The following TMEM117 variants were observed in gnomAD, a reference collection of about 807,000 sequenced individuals.
TMEM117 encodes the protein transmembrane protein 117.
TMEM117 carries 27 observed loss-of-function variants against 52.4 expected under a neutral mutation model. The observed-to-expected ratio is 0.51, with a 90% CI of 0.38 to 0.71. The LOEUF (loss-of-function observed/expected upper bound fraction) is 0.71, where lower values mean the gene tolerates loss of function less well. Ranked by LOEUF, TMEM117 falls within the 30% of genes least tolerant of loss-of-function variation. TMEM117 has a pLI of 0.00. For missense variants in TMEM117, 556 were observed against 630.5 expected (o/e 0.88, Z 1.26); for synonymous variants, 215 against 206.3 (o/e 1.04, Z -0.36).
the TMEM117 span, chr12:43,806,256 G>A: frequency 5.3e-6 from 8 of 1,522,698 alleles, no homozygotes; most frequent in East Asian, 2.6e-5. Context: ...GGCGGCGGCC[G>A]CTAGCTCCCG....
chr12:43,969,808 C>G (rs1945551357), intron 3 of TMEM117, among the ~76,000 whole-genome samples: 1 of 152,152 alleles, frequency 6.6e-6, no homozygotes, highest in African/African-American at 2.4e-5. Flanking sequence ...CTCTTTCTCT[C>G]TCCATCCCTT....
intron 3 of TMEM117, among the ~76,000 whole-genome samples, chr12:44,087,171 A>G (rs910343639): frequency 6.6e-6 from 1 of 151,516 alleles, no homozygotes; most frequent in Non-Finnish European, 1.5e-5. Flanking sequence ...AAATTAGTAC[A>G]CTTTAGTTCC....
chr12:43,798,982 G>A, the TMEM117 span, among the ~76,000 whole-genome samples: 2 of 152,020 alleles, frequency 1.3e-5, no homozygotes, highest in South Asian at 2.1e-4. Context: ...CTCTATTCAA[G>A]TAGAGTTCAT....
At chr12:44,014,183 A>G (rs937268496) in intron 3 of TMEM117, among the ~76,000 whole-genome samples, 6 of 152,198 alleles carry the variant, frequency 3.9e-5, no homozygotes, top group African/African-American at 1.4e-4. Flanking sequence ...TAGATAGGCC[A>G]TTGCAGGTAG....
chr12:43,966,590 T>G (rs1945489698), intron 3 of TMEM117, among the ~76,000 whole-genome samples: 1 of 152,206 alleles, frequency 6.6e-6, no homozygotes, highest in South Asian at 2.1e-4. Context: ...TGATGCACAC[T>G]GAGTTTTCAT....
At chr12:44,082,475 TAAAC>T (rs142427500) in intron 3 of TMEM117, among the ~76,000 whole-genome samples, 1,741 of 152,120 alleles carry the variant, frequency 0.011, 14 homozygotes, top group Non-Finnish European at 0.018. Context: ...ATTTTTATCA[TAAAC>T]AAAACAGTAA....
chr12:44,224,510 TCTTCTC>T (rs1949834138), intron 5 of TMEM117, among the ~76,000 whole-genome samples: 1 of 151,962 alleles, frequency 6.6e-6, no homozygotes, highest in Non-Finnish European at 1.5e-5. Flanking sequence ...TTTGTCTTCT[TCTTCTC>T]CTTCTCCTCC....
intron 2 of TMEM117, among the ~76,000 whole-genome samples, chr12:43,940,792 C>T (rs1565760646): frequency 1.3e-5 from 2 of 152,190 alleles, no homozygotes; most frequent in Non-Finnish European, 2.9e-5. Context: ...GATCCGCCTG[C>T]CTCGGCCTCC....
At position 43,860,569 on chromosome 12, in the gene TMEM117, A is replaced by G. The variant is rs201533306; in HGVS notation, c.277+15641A>G. Among the ~76,000 whole-genome samples the G allele has an allele frequency of 2.6e-5, 4 of 152,202 alleles. No homozygotes were observed. The East Asian group carries it at 5.8e-4, about 22-fold the overall frequency. Reference sequence around the variant, plus strand: ...TCTGAGGAAGATGAAGGAACAACCTATGTAGCTTTCTGGGGGAAGACATCC... The same window carrying G: ...TCTGAGGAAGATGAAGGAACAACCTGTGTAGCTTTCTGGGGGAAGACATCC... On this transcript the variant is annotated intron_variant, in intron 2 of 7. Transcript: ENST00000266534.
intron 3 of TMEM117, among the ~76,000 whole-genome samples, chr12:44,026,025 C>A (rs1946528022): frequency 6.6e-6 from 1 of 152,100 alleles, no homozygotes; most frequent in Non-Finnish European, 1.5e-5. Flanking sequence ...GTGCTGTGGA[C>A]CAATAATCTT....
At chr12:44,019,909 G>A (rs1014243980) in intron 3 of TMEM117, among the ~76,000 whole-genome samples, 2 of 152,102 alleles carry the variant, frequency 1.3e-5, no homozygotes, top group African/African-American at 4.8e-5. Flanking sequence ...TGAGAAAAAA[G>A]CTCTTTTAAA....
At chr12:44,283,704 C>T (rs961493029) in intron 5 of TMEM117, among the ~76,000 whole-genome samples, 2 of 152,042 alleles carry the variant, frequency 1.3e-5, no homozygotes, top group Non-Finnish European at 1.5e-5. Context: ...TGGGTTAATG[C>T]TGAAATGAGT....
At chr12:43,863,880 CT>C (rs1000437537) in intron 2 of TMEM117, among the ~76,000 whole-genome samples, 3 of 152,198 alleles carry the variant, frequency 2.0e-5, no homozygotes, top group Non-Finnish European at 2.9e-5. Context: ...GCTCCCTTGG[CT>C]TGCAGGGAGG....
intron 2 of TMEM117, among the ~76,000 whole-genome samples, chr12:43,906,585 G>A (rs200154460): frequency 1.7e-4 from 25 of 150,960 alleles, no homozygotes; most frequent in Admixed American, 2.6e-4. Flanking sequence ...CTGAGGTACC[G>A]GGTTCATCTC....
intron 6 of TMEM117, among the ~76,000 whole-genome samples, chr12:44,374,616 T>TTGTGTGTGTGTGTGTG (rs5742462): frequency 1.0e-3 from 146 of 144,902 alleles, no homozygotes; most frequent in African/African-American, 1.7e-3. Flanking sequence ...AAGGAACTAT[T>TTGTGTGTGTGTGTGTG]TGTGTGTGTG....
At chr12:43,905,825 C>A (rs938600284) in intron 2 of TMEM117, among the ~76,000 whole-genome samples, 12 of 152,158 alleles carry the variant, frequency 7.9e-5, no homozygotes, top group Admixed American at 3.9e-4. Context: ...GTGTTGTGAT[C>A]CTGTGCTCCC....
At chr12:43,945,163 C>A (rs904680578) in intron 3 of TMEM117, among the ~76,000 whole-genome samples, 1 of 139,322 alleles carries the variant, frequency 7.2e-6, no homozygotes, top group Admixed American at 7.0e-5. Context: ...TGTATTAACT[C>A]CTAGCTTGTG....
At chr12:44,305,031 C>T (rs970557892) in intron 6 of TMEM117, among the ~76,000 whole-genome samples, 2 of 152,160 alleles carry the variant, frequency 1.3e-5, no homozygotes, top group Admixed American at 6.5e-5. Context: ...TGACTCCAGG[C>T]CTTGGCTCCT....
At chr12:44,370,342 C>T (rs1951845510) in intron 6 of TMEM117, among the ~76,000 whole-genome samples, 1 of 152,010 alleles carries the variant, frequency 6.6e-6, no homozygotes, top group South Asian at 2.1e-4. Flanking sequence ...TGTATAATTC[C>T]AGTACACCTA....
Sources: gnomAD v4.1 joint callset for allele counts (sites outside exome capture counted in the v4.1 genomes callset) on GRCh38, gnomAD v4.1.1 for gene constraint, MANE v1.5 for transcripts, NCBI Gene and HGNC (gene_info 2026-07-23, HGNC 2026-07-21) for gene names.